Variants in OR2T10 observed in about 807,000 individuals in gnomAD.
OR2T10 encodes the protein olfactory receptor family 2 subfamily T member 10, also known as olfactory receptor 2T10.
For missense variants in OR2T10, 335 were observed against 382.5 expected, an observed-to-expected ratio of 0.88 and a Z score of 1.04; for synonymous variants, 125 against 141.8, an observed-to-expected ratio of 0.88 and a Z score of 0.84.
At position 248,591,547 on chromosome 1, in the gene OR2T10, C is replaced by G. The variant is rs1659999364; in HGVS notation, c.*1283G>C. 1.4e-5 allele frequency: 2 copies of G among 143,510 alleles called. 1 individual carries two copies. Among genetic ancestry groups the G allele is most frequent in the Non-Finnish European group, 3.0e-5 (2 of 66,300 alleles). 8.9% of individuals were successfully genotyped at this position (143,510 alleles called of 1,614,324 possible). ...TAGTCATGGAAAGTTATCTTCGTAT[C>G]CTTGTACTTACAGATAAAAAAACAT... On this transcript the variant is annotated 3_prime_UTR_variant, in exon 2 of 2. Coordinates refer to ENST00000642090, the MANE Select transcript of OR2T10 (RefSeq NM_001004693.2).
In OR2T10 at chr1:248,593,711, G is replaced by A. The variant is rs1343317918; in HGVS notation, c.58C>T (p.Gln20Ter). The A allele has an allele frequency of 1.9e-6, 3 of 1,566,220 alleles. No homozygotes were observed. The highest frequency in any genetic ancestry group is 1.7e-5 in the Admixed American group (1 of 57,954). The change falls in exon 2 of 2, where the codon CAG becomes TAG. Residue 20 changes from glutamine to a stop codon, truncating the protein, a stop_gained. Coordinates refer to ENST00000642090, the MANE Select transcript of OR2T10 (RefSeq NM_001004693.2). LOFTEE classifies it low-confidence loss of function (END_TRUNC). The part of the protein sequence containing the change: ...GDFFLLGIFS[Q>*]ISHPGRLCLL... Reference sequence around the variant, plus strand: ...CAGAGGCGGCCAGGGTGTGAGATCTGGCTGAAGATTCCCAACAGGAAAAAG... The same window carrying A: ...CAGAGGCGGCCAGGGTGTGAGATCTAGCTGAAGATTCCCAACAGGAAAAAG...
rs753722914 is a variant in OR2T10, at chr1:248,593,182, T to G, written c.587A>C (p.Lys196Thr). 2 of 1,572,370 alleles carry G rather than the reference T, an allele frequency of 1.3e-6. No homozygotes were observed. The highest frequency in any genetic ancestry group is 1.7e-6 in the Non-Finnish European group (2 of 1,156,196). The change falls in exon 2 of 2, where the codon AAG (lysine) becomes ACG (threonine). Residue 196 changes from lysine (K) to threonine (T), a missense_variant. Lys to Thr is a moderately conservative substitution (Grantham distance 78). Coordinates refer to ENST00000642090, the MANE Select transcript of OR2T10 (RefSeq NM_001004693.2). ...KLSCSDTSLY[K>T]IFMYLCCVIM... ...GACACAGCACAAGTACATGAAAATC[T>G]TGTAAAGTGAGGTGTCTGAGCAAGA...
chr1:248,593,097 G>A lies in OR2T10; in HGVS notation c.672C>T (p.Thr224=). Residue 224 remains threonine (T), a synonymous_variant, in exon 2 of 2, where the codon ACC becomes ACT. Transcript: ENST00000642090. ...CCTCAACTGAGTTCATCTTATGGATGGTGAGGATGATATAGTAGTAAGACA... is the reference window on the plus strand; with the variant it reads ...CCTCAACTGAGTTCATCTTATGGATAGTGAGGATGATATAGTAGTAAGACA... ...ISVSYYYIIL[T]IHKMNSVEGR... is the part of the protein sequence containing the mutation. 2.5e-6 allele frequency: 4 copies of A among 1,572,602 alleles called. 1 individual carries two copies. Among genetic ancestry groups the A allele is most frequent in the East Asian group, 4.6e-5 (2 of 43,636 alleles).
chr1:248,593,089 T>C lies in OR2T10; in HGVS notation c.680A>G (p.Lys227Arg). ...TTTCCGACCCTCAACTGAGTTCATC[T>C]TATGGATGGTGAGGATGATATAGTA... is the stretch of plus-strand genomic sequence containing the variant. ...SYYYIILTIHKMNSVEGRKKA... is the reference protein window; with the variant it reads ...SYYYIILTIHRMNSVEGRKKA... Residue 227 changes from lysine (K) to arginine (R), a missense_variant, in exon 2 of 2, where the codon AAG (lysine) becomes AGG (arginine). By Grantham distance (26) the Lys-to-Arg change is conservative. Transcript: ENST00000642090. 2 of 1,572,606 alleles carry C rather than the reference T, an allele frequency of 1.3e-6. 1 individual carries two copies. Among genetic ancestry groups the C allele is most frequent in the Non-Finnish European group, 1.7e-6 (2 of 1,156,512 alleles).
chr1:248,593,807 A>G lies in OR2T10; in HGVS notation c.-28-11T>C. ...CTGAAGTGGCTTTACCTGGAGGACA[A>G]AAGTAAACTTTATTTATAATCATGT... On this transcript the variant is annotated splice_polypyrimidine_tract_variant and intron_variant, in intron 1 of 1. Transcript: ENST00000642090. 9.1e-7 allele frequency: 1 copy of G among 1,098,812 alleles called. No individual in the cohort carries two copies. The highest frequency in any genetic ancestry group is 1.3e-6 in the Non-Finnish European group (1 of 747,880). The allele number at this position is 1,098,812 out of a possible 1,614,324, so 68.1% of individuals were successfully genotyped here. A position where few individuals can be genotyped will look rare whatever the true frequency, so the allele number is the denominator to read the frequency against.
chr1:248,592,982 T>C lies in OR2T10; in HGVS notation c.787A>G (p.Ser263Gly). 6.4e-7 allele frequency: 1 copy of C among 1,572,254 alleles called. No homozygotes were observed. Among genetic ancestry groups the C allele is most frequent in the Non-Finnish European group, 8.6e-7 (1 of 1,156,132 alleles). Residue 263 changes from serine (S) to glycine (G), a missense_variant, in exon 2 of 2, where the codon AGC becomes GGC. Ser to Gly is a moderately conservative substitution (Grantham distance 56). Transcript: ENST00000642090. ...TCTTTCTCAGGAGTTTGGTAGGAGC[T>C]GGGGAGCATGTAGTTGTAAATAGCA... ...GAAIYNYMLP[S>G]SYQTPEKDMM... is the part of the protein sequence containing the mutation.
rs28374074 is a variant in OR2T10, at chr1:248,592,776, C to G, written c.*54G>C. 2.2e-5 allele frequency: 24 copies of G among 1,097,350 alleles called. 2 individuals carry two copies. The highest frequency in any genetic ancestry group is 3.0e-5 in the Non-Finnish European group (23 of 764,166). 68.0% of individuals were successfully genotyped at this position (1,097,350 alleles called of 1,614,324 possible). On this transcript the variant is annotated 3_prime_UTR_variant, in exon 2 of 2. Coordinates refer to ENST00000642090, the MANE Select transcript of OR2T10 (RefSeq NM_001004693.2). ...TGCTGATTGTTTGGTGGAAGGACAC[C>G]TAAAGTGAAGAGAGACTCTAAGAAG... is the stretch of plus-strand genomic sequence containing the variant.
rs1659993901 is a variant in OR2T10, at chr1:248,591,235, A to G, written c.*1595T>C. 1 of 142,818 alleles carries G rather than the reference A, an allele frequency of 7.0e-6. No homozygotes were observed. The highest frequency in any genetic ancestry group is 1.5e-5 in the Non-Finnish European group (1 of 66,142). 8.8% of individuals were successfully genotyped at this position (142,818 alleles called of 1,614,324 possible). A position where few individuals can be genotyped will look rare whatever the true frequency, so the allele number is the denominator to read the frequency against. The stretch of plus-strand genomic sequence containing the variant: ...CATCTTTGCTCAACTATAACCAGTG[A>G]GGATTAGCCTAAATCCCTACATAAA... On this transcript the variant is annotated 3_prime_UTR_variant, in exon 2 of 2. Coordinates refer to ENST00000642090, the MANE Select transcript of OR2T10 (RefSeq NM_001004693.2).
Position 248,592,967 on chromosome 1 carries a change from G to A in OR2T10, c.802C>T (p.Pro268Ser). ...NYMLPSSYQT[P>S]EKDMMSSFFY... ...AAGGATGACATCATATCTTTCTCAG[G>A]AGTTTGGTAGGAGCTGGGGAGCATG... is the stretch of plus-strand genomic sequence containing the variant. The change falls in exon 2 of 2, where the codon CCT (proline) becomes TCT (serine). Residue 268 changes from proline (P) to serine (S), a missense_variant. Physicochemically the swap from Pro to Ser is moderately conservative, Grantham distance 74. Transcript: ENST00000642090. 1.3e-6 allele frequency: 2 copies of A among 1,570,432 alleles called. No individual in the cohort carries two copies. The highest frequency in any genetic ancestry group is 1.1e-5 in the South Asian group (1 of 88,852).
chr1:248,594,262 T>C (rs1294494462), intron 1 of OR2T10, among the ~76,000 whole-genome samples: 1 of 143,208 alleles, frequency 7.0e-6, no homozygotes, highest in Non-Finnish European at 1.5e-5. Flanking sequence ...GTTACAAATC[T>C]ACGAACATAC....
chr1:248,593,692 C>T lies in OR2T10; in HGVS notation c.77G>A (p.Arg26His), dbSNP rs149838745. ...TATACTGAAGATAAGCAAGCAGAGG[C>T]GGCCAGGGTGTGAGATCTGGCTGAA... ...GIFSQISHPGRLCLLIFSIFL... is the reference protein window; with the variant it reads ...GIFSQISHPGHLCLLIFSIFL... The change falls in exon 2 of 2, where the codon CGC becomes CAC. Residue 26 changes from arginine to histidine, a missense_variant. Transcript: ENST00000642090. 128 of 1,563,404 alleles carry T rather than the reference C, an allele frequency of 8.2e-5. 19 individuals carry two copies. The African/African-American group carries it at 1.4e-3, about 17-fold the overall frequency.
chr1:248,596,387 T>C (rs1336883749), intron 1 of OR2T10, among the ~76,000 whole-genome samples: 1 of 142,934 alleles, frequency 7.0e-6, no homozygotes, highest in African/African-American at 2.8e-5. Flanking sequence ...AGTATAATTA[T>C]GCAAATCAGC....
chr1:248,592,681 T>C lies in OR2T10; in HGVS notation c.*149A>G. 1.9e-6 allele frequency: 1 copy of C among 534,328 alleles called. No homozygotes were observed. Among genetic ancestry groups the C allele is most frequent in the South Asian group, 2.5e-5 (1 of 40,130 alleles). The allele number at this position is 534,328 out of a possible 1,614,324, so 33.1% of individuals were successfully genotyped here. On this transcript the variant is annotated 3_prime_UTR_variant, in exon 2 of 2. Coordinates refer to ENST00000642090, the MANE Select transcript of OR2T10 (RefSeq NM_001004693.2). Reference sequence around the variant, plus strand: ...AAGTGAACATCATCTCAAGTGTGATTATAGGAGGGAAGAACACTGGGCTGA... The same window carrying C: ...AAGTGAACATCATCTCAAGTGTGATCATAGGAGGGAAGAACACTGGGCTGA...
At chr1:248,594,464 T>G (rs1660062330) in intron 1 of OR2T10, among the ~76,000 whole-genome samples, 2 of 143,994 alleles carry the variant, frequency 1.4e-5, no homozygotes, top group South Asian at 4.3e-4. Flanking sequence ...TAAAATGTAT[T>G]TTTATACTTC....
intron 1 of OR2T10, chr1:248,595,116 T>TG (rs1660072121): frequency 2.1e-5 from 3 of 143,348 alleles, no homozygotes; most frequent in Non-Finnish European, 3.0e-5. Flanking sequence ...CTGGCTATTT[T>TG]GGGGGGTCAG....
At chr1:248,594,503 TTG>T (rs1660062623) in intron 1 of OR2T10, among the ~76,000 whole-genome samples, 1 of 143,676 alleles carries the variant, frequency 7.0e-6, no homozygotes, top group African/African-American at 2.7e-5. Flanking sequence ...GACATTAATC[TTG>T]TGAGTTATTT....
Position 248,592,820 on chromosome 1 carries a change from C to T in OR2T10, c.*10G>A, listed in dbSNP as rs749600262. 9 of 1,452,218 alleles carry T rather than the reference C, an allele frequency of 6.2e-6. No individual in the cohort carries two copies. Among genetic ancestry groups the T allele is most frequent in the Admixed American group, 1.9e-5 (1 of 52,152 alleles). 90.0% of individuals were successfully genotyped at this position (1,452,218 alleles called of 1,614,324 possible). A position where few individuals can be genotyped will look rare whatever the true frequency, so the allele number is the denominator to read the frequency against. ...TAAGAAGAGAGGACCAACTTAAGTT[C>T]TTTCACACTTTAATATGGAGGTTTC... On this transcript the variant is annotated 3_prime_UTR_variant, in exon 2 of 2. Transcript: ENST00000642090.
Position 248,593,141 on chromosome 1 carries a change from G to T in OR2T10, c.628C>A (p.Pro210Thr), listed in dbSNP as rs748166599. The change falls in exon 2 of 2, where the codon CCT becomes ACT. Residue 210 changes from proline to threonine, a missense_variant. Transcript: ENST00000642090. ...TAAGACACTGAAATGACCGTCACAG[G>T]TATCAGGAGCATGATGACACAGCAC... is the stretch of plus-strand genomic sequence containing the variant. ...YLCCVIMLLI[P>T]VTVISVSYYY... 1.6e-5 allele frequency: 25 copies of T among 1,572,606 alleles called. 2 individuals are homozygous for T. The highest frequency in any genetic ancestry group is 1.7e-4 in the Middle Eastern group (1 of 5,992).
At chr1:248,595,800 A>G (rs1660081415) in intron 1 of OR2T10, among the ~76,000 whole-genome samples, 1 of 142,934 alleles carries the variant, frequency 7.0e-6, no homozygotes, top group Non-Finnish European at 1.5e-5. Context: ...ATTCCAAAAG[A>G]CAATGAAGCA....
Sources: gnomAD v4.1 joint callset for allele counts (sites outside exome capture counted in the v4.1 genomes callset) on GRCh38, gnomAD v4.1.1 for gene constraint, MANE v1.5 for transcripts, NCBI Gene and HGNC (gene_info 2026-07-23, HGNC 2026-07-21) for gene names.